CLMN: variants seen among roughly 807,000 people sequenced by gnomAD.
CLMN encodes calmin, also known as calmin (calponin-like, transmembrane).
A neutral mutation model predicts 92.7 loss-of-function variants in CLMN; 57 were observed. The observed-to-expected ratio is 0.61, with a 90% CI of 0.50 to 0.77. The LOEUF (loss-of-function observed/expected upper bound fraction) is 0.77, where lower values mean the gene tolerates loss of function less well. Ranked by LOEUF, CLMN falls within the 30% of genes least tolerant of loss-of-function variation. CLMN has a pLI of 0.00. For missense variants in CLMN, 1,158 were observed against 1,237.5 expected, an observed-to-expected ratio of 0.94 and a Z score of 0.96; for synonymous variants, 466 against 470.6, an observed-to-expected ratio of 0.99 and a Z score of 0.13.
At chr14:95,224,313 C>T (rs1272704936) in intron 2 of CLMN, among the ~76,000 whole-genome samples, 4 of 152,136 alleles carry the variant, frequency 2.6e-5, no homozygotes, top group African/African-American at 9.7e-5. Context: ...AAGAGTCACG[C>T]TCTGTCGCCC....
chr14:95,202,050 G>C (rs1896900371), intron 9 of CLMN, among the ~76,000 whole-genome samples: 1 of 152,134 alleles, frequency 6.6e-6, no homozygotes, highest in East Asian at 1.9e-4. Context: ...ATGTGTGCAT[G>C]TATGTCTTTA....
In CLMN at chr14:95,232,110, T is replaced by G. The variant is rs754359921; in HGVS notation, c.83-1977A>C. ...ATTCTGTGCTTTTTCTGCTCTCTCC[T>G]GAGTTCTGTGGCCTTAGCTGTCTTG... On this transcript the variant is annotated intron_variant, in intron 1 of 12. Coordinates refer to ENST00000298912, the MANE Select transcript of CLMN (RefSeq NM_024734.4). Among the ~76,000 whole-genome samples, 10 of 152,252 alleles carry G rather than the reference T, an allele frequency of 6.6e-5. No individual in the cohort carries two copies. The South Asian group carries it at 8.3e-4, about 13-fold the overall frequency.
At chr14:95,305,725 C>T (rs1901249555) in intron 1 of CLMN, among the ~76,000 whole-genome samples, 1 of 152,038 alleles carries the variant, frequency 6.6e-6, no homozygotes, top group Admixed American at 6.5e-5. Flanking sequence ...GAAAAGAGAC[C>T]AGCACCAACG....
intron 1 of CLMN, among the ~76,000 whole-genome samples, chr14:95,314,634 G>T (rs769460233): frequency 1.3e-5 from 2 of 152,214 alleles, no homozygotes; most frequent in African/African-American, 2.4e-5. Context: ...CCTGGCTCAG[G>T]CCTTCAGCCT....
chr14:95,210,953 G>T, intron 6 of CLMN, 74 bp from the exon 7 acceptor site: 1 of 1,447,576 alleles, frequency 6.9e-7, no homozygotes, highest in Non-Finnish European at 9.1e-7. Flanking sequence ...TCAGCATGCA[G>T]CAGCCGCGTG....
chr14:95,201,189 T>A (rs959769145), intron 9 of CLMN, among the ~76,000 whole-genome samples: 6 of 151,520 alleles, frequency 4.0e-5, no homozygotes, highest in South Asian at 2.1e-4. Context: ...ATATATATAT[T>A]TTTTGTTTTT....
chr14:95,274,173 T>C (rs1275398599), intron 1 of CLMN, among the ~76,000 whole-genome samples: 2 of 152,148 alleles, frequency 1.3e-5, no homozygotes, highest in Non-Finnish European at 2.9e-5. Context: ...GTTACTTTCT[T>C]TGCTCCCGCT....
chr14:95,229,290 C>G (rs565920349), intron 2 of CLMN, among the ~76,000 whole-genome samples: 2 of 152,328 alleles, frequency 1.3e-5, no homozygotes, highest in East Asian at 3.9e-4. Context: ...CCATCACTGC[C>G]TCTCCTCTGT....
chr14:95,243,474 A>T (rs575240018), intron 1 of CLMN, among the ~76,000 whole-genome samples: 3 of 152,264 alleles, frequency 2.0e-5, no homozygotes, highest in African/African-American at 7.2e-5. Flanking sequence ...GCTTTTAAAT[A>T]ATTATTGCCT....
chr14:95,287,339 A>G (rs1456243351), intron 1 of CLMN, among the ~76,000 whole-genome samples: 3 of 152,194 alleles, frequency 2.0e-5, no homozygotes, highest in Non-Finnish European at 4.4e-5. Flanking sequence ...CACATGCAAC[A>G]TGCAAACTAC....
intron 1 of CLMN, among the ~76,000 whole-genome samples, chr14:95,264,008 CTTTATTTATTTATTTATTTA>C (rs34763756): frequency 4.4e-4 from 64 of 143,858 alleles, no homozygotes; most frequent in East Asian, 3.8e-3. Flanking sequence ...CACCTTATTA[CTTTATTTATTTATTTATTTA>C]TTTATTTATT....
rs965026964 is a variant in CLMN, at chr14:95,294,345, C to G, written c.82+25366G>C. 2.0e-5 allele frequency among the ~76,000 whole-genome samples: 3 copies of G among 152,186 alleles called. No individual in the cohort carries two copies. Among genetic ancestry groups the G allele is most frequent in the African/African-American group, 7.2e-5 (3 of 41,436 alleles). ...ATCGCTGCAATGAAGCAGGAAAAAG[C>G]TGGGTTTCAGGACACAATCTCTTAG... On this transcript the variant is annotated intron_variant, in intron 1 of 12. Coordinates refer to ENST00000298912, the MANE Select transcript of CLMN (RefSeq NM_024734.4). This position sits in a 1 kb window ranked among gnomAD's most constrained non-coding sequence, Gnocchi z 4.2.
At chr14:95,251,139 G>A (rs1193170197) in intron 1 of CLMN, among the ~76,000 whole-genome samples, 20 of 152,182 alleles carry the variant, frequency 1.3e-4, no homozygotes, top group Admixed American at 1.2e-3. Flanking sequence ...GATCTCATGT[G>A]TGTGTGTAAT....
chr14:95,293,492 C>T (rs1900684368), intron 1 of CLMN, among the ~76,000 whole-genome samples: 1 of 151,492 alleles, frequency 6.6e-6, no homozygotes. Flanking sequence ...ATCAAATAAC[C>T]ATACATATCT....
At chr14:95,312,160 G>A (rs1901570048) in intron 1 of CLMN, among the ~76,000 whole-genome samples, 1 of 151,974 alleles carries the variant, frequency 6.6e-6, no homozygotes, top group African/African-American at 2.4e-5. Context: ...CTACACTCCT[G>A]CAGGACCCAC....
chr14:95,201,707 G>A (rs1056374762), intron 9 of CLMN, among the ~76,000 whole-genome samples: 1 of 151,858 alleles, frequency 6.6e-6, no homozygotes, highest in Non-Finnish European at 1.5e-5. Flanking sequence ...GCATGCATTA[G>A]ATATTTGTCC....
At position 95,314,283 on chromosome 14, in the gene CLMN, C is replaced by T. The variant is rs562731727; in HGVS notation, c.82+5428G>A. ...GAATGTACATCATTTACCACGTGTA[C>T]TTGTATAGCAAAGCTTATGAAATGC... On this transcript the variant is annotated intron_variant, in intron 1 of 12. Coordinates refer to ENST00000298912, the MANE Select transcript of CLMN (RefSeq NM_024734.4). Among the ~76,000 whole-genome samples the T allele has an allele frequency of 2.0e-5, 3 of 152,280 alleles. No homozygotes were observed. In the South Asian group the frequency reaches 6.2e-4, roughly 32 times the overall value.
intron 1 of CLMN, among the ~76,000 whole-genome samples, chr14:95,251,310 C>A (rs564281003): frequency 1.3e-5 from 2 of 152,260 alleles, no homozygotes; most frequent in East Asian, 3.9e-4. Flanking sequence ...GGCTGTGAAT[C>A]GAATCCCATA....
rs552232158 is a variant in CLMN, at chr14:95,311,414, G to A, written c.82+8297C>T. ...ACCATCGGAGCCTGGGGTCCTTCCA[G>A]TTAGACCGGGAGGTCTGCAGTTCTG... On this transcript the variant is annotated intron_variant, in intron 1 of 12. Transcript: ENST00000298912. Among the ~76,000 whole-genome samples the A allele has an allele frequency of 2.0e-5, 3 of 152,294 alleles. No homozygotes were observed. In the South Asian group the frequency reaches 6.2e-4, roughly 32 times the overall value.
Sources: gnomAD v4.1 joint callset for allele counts (sites outside exome capture counted in the v4.1 genomes callset) on GRCh38, gnomAD v4.1.1 for gene constraint, Gnocchi (gnomAD v3.1) non-coding constraint, MANE v1.5 for transcripts, NCBI Gene and HGNC (gene_info 2026-07-23, HGNC 2026-07-21) for gene names.